Variants in TAS2R1 observed in about 807,000 individuals in gnomAD.
TAS2R1 encodes taste 2 receptor member 1, also known as taste receptor type 2 member 1.
For synonymous variants in TAS2R1, 141 were observed against 134.2 expected (o/e 1.05, Z -0.35); for missense variants, 370 against 353.4 (o/e 1.05, Z -0.38).
At chr5:9,634,328 G>T (rs897107979), upstream of TAS2R1, among the ~76,000 whole-genome samples, 21 of 152,082 alleles carry the variant, frequency 1.4e-4, no homozygotes, top group African/African-American at 4.8e-4. Flanking sequence ...ATACCATGCT[G>T]TTTTGGTAAC....
At chr5:9,659,066 G>A (rs1740475737) in intron 2 of TAS2R1, among the ~76,000 whole-genome samples, 1 of 152,140 alleles carries the variant, frequency 6.6e-6, no homozygotes, top group Non-Finnish European at 1.5e-5. Flanking sequence ...TGGCATCCAG[G>A]TTTAATAAAT....
At chr5:9,777,674 A>G in the TAS2R1 span, among the ~76,000 whole-genome samples, 1 of 152,336 alleles carries the variant, frequency 6.6e-6, no homozygotes, top group South Asian at 2.1e-4. Context: ...AAGGCTTCGA[A>G]TTTGCTTTGC....
intron 1 of TAS2R1, among the ~76,000 whole-genome samples, chr5:9,691,052 T>G (rs760721911): frequency 9.9e-5 from 15 of 152,176 alleles, no homozygotes; most frequent in Non-Finnish European, 1.9e-4. Context: ...CCCAGAAAGA[T>G]ATGTCCACCG....
At chr5:9,882,127 T>C in the TAS2R1 span, among the ~76,000 whole-genome samples, 12 of 152,206 alleles carry the variant, frequency 7.9e-5, no homozygotes, top group East Asian at 2.3e-3. Flanking sequence ...AGGTCTAATG[T>C]CCAGAATGTA....
the TAS2R1 span, among the ~76,000 whole-genome samples, chr5:9,839,814 G>C: frequency 6.6e-6 from 1 of 151,950 alleles, no homozygotes; most frequent in Non-Finnish European, 1.5e-5. Context: ...CATATTTAAA[G>C]TATAGTCATT....
intron 1 of TAS2R1, among the ~76,000 whole-genome samples, chr5:9,665,612 TG>T (rs908273175): frequency 1.1e-4 from 17 of 152,348 alleles, no homozygotes; most frequent in Non-Finnish European, 1.9e-4. Flanking sequence ...GAGAGTGTGA[TG>T]TCTAAGACCA....
At chr5:9,752,795 G>A in the TAS2R1 span, among the ~76,000 whole-genome samples, 34 of 151,726 alleles carry the variant, frequency 2.2e-4, no homozygotes, top group East Asian at 3.5e-3. Context: ...GAGAACATGC[G>A]GTGTTTAGTT....
intron 2 of TAS2R1, among the ~76,000 whole-genome samples, chr5:9,657,444 C>A (rs2126492837): frequency 6.6e-6 from 1 of 152,266 alleles, no homozygotes; most frequent in South Asian, 2.1e-4. Context: ...TGCTCACCAG[C>A]CTAAACTATT....
chr5:9,877,217 T>C, the TAS2R1 span, among the ~76,000 whole-genome samples: 1 of 152,206 alleles, frequency 6.6e-6, no homozygotes, highest in African/African-American at 2.4e-5. Context: ...ATTGAATGTT[T>C]ATGCATTTTC....
chr5:9,666,856 C>A (rs1013366074), intron 1 of TAS2R1, among the ~76,000 whole-genome samples: 1 of 151,976 alleles, frequency 6.6e-6, no homozygotes, highest in Non-Finnish European at 1.5e-5. Flanking sequence ...GTGTATCCCA[C>A]CTAAAATAAA....
chr5:9,887,733 C>T, the TAS2R1 span, among the ~76,000 whole-genome samples: 1 of 152,148 alleles, frequency 6.6e-6, no homozygotes, highest in African/African-American at 2.4e-5. Flanking sequence ...GAGGAGCTCA[C>T]AGGGAGAAAC....
the TAS2R1 span, among the ~76,000 whole-genome samples, chr5:9,861,246 C>A: frequency 2.6e-5 from 4 of 151,866 alleles, no homozygotes; most frequent in African/African-American, 9.7e-5. Flanking sequence ...CTGCAGCTGG[C>A]CGTATTTCCC....
the TAS2R1 span, among the ~76,000 whole-genome samples, chr5:9,803,287 G>T: frequency 1.3e-5 from 2 of 152,220 alleles, no homozygotes; most frequent in East Asian, 1.9e-4. Flanking sequence ...TACTGAGGAA[G>T]AAGATAAATC....
At chr5:9,637,008 T>C (rs180779392) in intron 2 of TAS2R1, among the ~76,000 whole-genome samples, 1 of 152,234 alleles carries the variant, frequency 6.6e-6, no homozygotes, top group East Asian at 1.9e-4. Context: ...CATTGTGTTA[T>C]TATTTTATAG....
chr5:9,697,924 G>C (rs948180155), intron 1 of TAS2R1, among the ~76,000 whole-genome samples: 1 of 151,258 alleles, frequency 6.6e-6, no homozygotes, highest in Non-Finnish European at 1.5e-5. Context: ...TAAGATCAAA[G>C]TTATTAGCAA....
the TAS2R1 span, among the ~76,000 whole-genome samples, chr5:9,722,495 C>CA: frequency 1.3e-5 from 2 of 152,266 alleles, no homozygotes; most frequent in Admixed American, 1.3e-4. Flanking sequence ...TCTTTGGAGA[C>CA]AAAATGTTCT....
the TAS2R1 span, among the ~76,000 whole-genome samples, chr5:9,848,687 C>G: frequency 6.6e-6 from 1 of 152,198 alleles, no homozygotes; most frequent in African/African-American, 2.4e-5. Flanking sequence ...GAAAACAGCA[C>G]ATGGTACACT....
chr5:9,854,352 C>G, the TAS2R1 span: 4 of 152,004 alleles, frequency 2.6e-5, no homozygotes, highest in African/African-American at 4.8e-5. Context: ...ACATCTACAA[C>G]AACCTAATTT....
the TAS2R1 span, among the ~76,000 whole-genome samples, chr5:9,849,214 G>A: frequency 6.6e-6 from 1 of 152,194 alleles, no homozygotes; most frequent in Non-Finnish European, 1.5e-5. Context: ...CCCCAGCTTA[G>A]AGTCAAGCAA....
Sources: gnomAD v4.1 joint callset for allele counts (sites outside exome capture counted in the v4.1 genomes callset) on GRCh38, gnomAD v4.1.1 for gene constraint, MANE v1.5 for transcripts, NCBI Gene and HGNC (gene_info 2026-07-23, HGNC 2026-07-21) for gene names.